Variants in ANAPC1 observed in about 807,000 individuals in gnomAD.
The protein encoded by ANAPC1 is anaphase-promoting complex subunit 1.
A neutral mutation model predicts 208.0 loss-of-function variants in ANAPC1; 36 were observed. That is an observed-to-expected ratio of 0.17 (90% CI 0.13 to 0.23). The LOEUF (loss-of-function observed/expected upper bound fraction) is 0.23, where lower values mean the gene tolerates loss of function less well. ANAPC1 is among the 10% of genes least tolerant of loss of function. The probability of loss-of-function intolerance (pLI) is 1.00; values close to 1 mark genes in which losing one functional copy is unlikely to be tolerated. For synonymous variants in ANAPC1, 378 were observed against 695.2 expected (o/e 0.54, Z 7.18); for missense variants, 942 against 2,011.6 (o/e 0.47, Z 10.17).
chr2:111,883,644 C>G (rs1423252617), intron 1 of ANAPC1, among the ~76,000 whole-genome samples: 2 of 152,124 alleles, frequency 1.3e-5, no homozygotes, highest in African/African-American at 4.8e-5. Flanking sequence ...GCCCGAGGCT[C>G]AGAAAAACAG....
chr2:111,783,146 T>C (rs1327072774), intron 42 of ANAPC1, among the ~76,000 whole-genome samples: 1 of 152,158 alleles, frequency 6.6e-6, no homozygotes, highest in Non-Finnish European at 1.5e-5. Context: ...AGCAAAAGAA[T>C]GGTAAAGAGA....
chr2:111,878,377 T>C (rs1340011562), intron 3 of ANAPC1, among the ~76,000 whole-genome samples: 1 of 152,210 alleles, frequency 6.6e-6, no homozygotes, highest in Non-Finnish European at 1.5e-5. Flanking sequence ...TTCAGAACAG[T>C]TAGTTATAAC....
intron 7 of ANAPC1, among the ~76,000 whole-genome samples, chr2:111,867,674 A>G (rs1213960173): frequency 3.5e-5 from 5 of 143,890 alleles, no homozygotes; most frequent in African/African-American, 1.3e-4. Flanking sequence ...CCTGGGCCAC[A>G]GAGCAAGACC....
intron 42 of ANAPC1, among the ~76,000 whole-genome samples, chr2:111,783,422 T>C (rs1182621237): frequency 1.3e-5 from 2 of 151,274 alleles, no homozygotes; most frequent in African/African-American, 4.9e-5. Context: ...GTCTCTCTCT[T>C]GCTGCCATAC....
chr2:111,872,980 C>T (rs1682834993), intron 5 of ANAPC1: 1 of 489,702 alleles, frequency 2.0e-6, no homozygotes, highest in East Asian at 3.5e-5. Context: ...TTAACAATAG[C>T]CCTAGGCATT....
intron 19 of ANAPC1, 137 bp from the exon 20 acceptor site, chr2:111,833,448 T>C (rs1680289511): frequency 2.3e-6 from 3 of 1,324,590 alleles, no homozygotes; most frequent in Non-Finnish European, 2.9e-6. Context: ...GTCTCTCTAT[T>C]GTATTTTTGG....
At position 111,831,345 on chromosome 2, in the gene ANAPC1, C is replaced by A; in HGVS notation, c.2566G>T (p.Gly856Ter). 2 of 1,611,942 alleles carry A rather than the reference C, an allele frequency of 1.2e-6. No homozygotes were observed. The highest frequency in any genetic ancestry group is 8.5e-7 in the Non-Finnish European group (1 of 1,179,846). ...QWVSSCLKGEGMPPYPYLPGI... is the reference protein window; with the variant it reads ...QWVSSCLKGE ...GGGAGGTAAGGATAAGGTGGCATTC[C>A]TTCACCCTTCAGACAAGAACTCACC... is the stretch of plus-strand genomic sequence containing the variant. The change falls in exon 21 of 48, where the codon GGA (glycine) becomes TGA (stop). Residue 856 changes from glycine (G) to a stop codon, truncating the protein, a stop_gained. Transcript: ENST00000341068. LOFTEE classifies it high-confidence loss of function.
intron 21 of ANAPC1, 24 bp downstream of exon 21, chr2:111,831,262 G>A (rs1680114161): frequency 1.9e-6 from 3 of 1,565,962 alleles, no homozygotes; most frequent in Non-Finnish European, 2.6e-6. Flanking sequence ...AAAGGAGATA[G>A]GTAGTAACAC....
chr2:111,806,630 G>T (rs1678690323), intron 29 of ANAPC1, among the ~76,000 whole-genome samples: 1 of 102,510 alleles, frequency 9.8e-6, no homozygotes, highest in Non-Finnish European at 1.9e-5. Flanking sequence ...GAATAAGGAG[G>T]TCACTTACTT....
intron 28 of ANAPC1, among the ~76,000 whole-genome samples, chr2:111,812,949 G>A (rs866060737): frequency 1.3e-4 from 15 of 111,138 alleles, no homozygotes; most frequent in East Asian, 4.8e-4. Flanking sequence ...CAGCCCCCAC[G>A]GCCCTGTCCA....
chr2:111,840,055 T>A (rs1420204021), intron 17 of ANAPC1, among the ~76,000 whole-genome samples: 1 of 152,184 alleles, frequency 6.6e-6, no homozygotes, highest in Admixed American at 6.5e-5. Context: ...CCTGGCATCA[T>A]GCCTGGCCCA....
intron 20 of ANAPC1, among the ~76,000 whole-genome samples, chr2:111,832,997 C>G (rs1406687000): frequency 6.8e-6 from 1 of 146,694 alleles, no homozygotes; most frequent in African/African-American, 2.5e-5. Flanking sequence ...TTTTGCAAGT[C>G]AGAACCTTAG....
intron 17 of ANAPC1, among the ~76,000 whole-genome samples, chr2:111,842,912 A>G (rs1680845894): frequency 6.6e-6 from 1 of 152,184 alleles, no homozygotes; most frequent in African/African-American, 2.4e-5. Flanking sequence ...TATACCATTA[A>G]CAGAGTAGAT....
Position 111,880,635 on chromosome 2 carries a change from A to G in ANAPC1, c.191T>C (p.Val64Ala). 1.9e-6 allele frequency: 3 copies of G among 1,612,134 alleles called. No homozygotes were observed. Among genetic ancestry groups the G allele is most frequent in the Non-Finnish European group, 2.5e-6 (3 of 1,179,642 alleles). The change falls in exon 2 of 48, where the codon GTT becomes GCT. Residue 64 changes from valine to alanine, a missense_variant. By Grantham distance (64) the Val-to-Ala change is moderately conservative. Transcript: ENST00000341068. The stretch of plus-strand genomic sequence containing the variant: ...AACCTTCTGTTTCTCGTGGATTGTA[A>G]CCTCCTGAAGGGATCCCACCAAGCC... ...AAGLVGSLQE[V>A]TIHEKQKESW...
chr2:111,807,948 T>G (rs1463321320), intron 29 of ANAPC1, among the ~76,000 whole-genome samples: 2 of 150,884 alleles, frequency 1.3e-5, no homozygotes, highest in Non-Finnish European at 3.0e-5. Flanking sequence ...TATGCTACCA[T>G]GTATTGTGAT....
At chr2:111,867,649 A>C (rs1370546174) in intron 7 of ANAPC1, among the ~76,000 whole-genome samples, 3 of 151,428 alleles carry the variant, frequency 2.0e-5, no homozygotes, top group Non-Finnish European at 4.4e-5. Flanking sequence ...CTGAGATCAC[A>C]CCACTGCACT....
rs1274368973 is a variant in ANAPC1 at position 111,768,533 on chromosome 2, G to C, written c.*758C>G. The stretch of plus-strand genomic sequence containing the variant: ...AAGGGCTCTTCTTGGCTTGCAGACG[G>C]CCGACTCCTCACTGTCTTCACATGG... On this transcript the variant is annotated 3_prime_UTR_variant, in exon 48 of 48. Coordinates refer to ENST00000341068, the MANE Select transcript of ANAPC1 (RefSeq NM_022662.4). The C allele has an allele frequency of 6.6e-6, 1 of 150,416 alleles. No homozygotes were observed. Among genetic ancestry groups the C allele is most frequent in the Non-Finnish European group, 1.5e-5 (1 of 67,940 alleles). 9.3% of individuals were successfully genotyped at this position (150,416 alleles called of 1,614,324 possible). A position where few individuals can be genotyped will look rare whatever the true frequency, so the allele number is the denominator to read the frequency against.
chr2:111,872,177 G>A (rs185550757), intron 6 of ANAPC1, among the ~76,000 whole-genome samples: 2,007 of 152,138 alleles, frequency 0.013, 29 homozygotes, highest in Middle Eastern at 0.054. Flanking sequence ...TCTATGCCTA[G>A]TTTGTTTTTA....
intron 11 of ANAPC1, 190 bp from the exon 12 acceptor site, chr2:111,857,076 T>C (rs1326015994): frequency 5.5e-6 from 3 of 541,338 alleles, no homozygotes; most frequent in African/African-American, 3.8e-5. Flanking sequence ...GGTAATGGTG[T>C]ATGTGACTAT....
Sources: allele counts gnomAD v4.1 joint callset (sites outside exome capture counted in the v4.1 genomes callset), GRCh38; gene constraint gnomAD v4.1.1; transcripts MANE v1.5; gene names NCBI Gene and HGNC (gene_info 2026-07-23, HGNC 2026-07-21).